Variants in FBN2 observed in about 807,000 individuals in gnomAD.
FBN2 encodes fibrillin 2.
In FBN2, 105 loss-of-function variants were observed where a neutral mutation model predicts 355.6. The observed-to-expected ratio is 0.30, with a 90% CI of 0.25 to 0.35. FBN2 has a LOEUF of 0.35. Ranked by LOEUF, FBN2 falls within the 10% of genes least tolerant of loss-of-function variation. FBN2 has a pLI of 1.00. For missense variants in FBN2, 3,280 were observed against 3,758.7 expected, an observed-to-expected ratio of 0.87 and a Z score of 3.33; for synonymous variants, 1,350 against 1,301.2, an observed-to-expected ratio of 1.04 and a Z score of -0.81.
chr5:128,357,191 TTC>T, intron 20 of FBN2, 83 bp downstream of exon 20: 2 of 1,542,370 alleles, frequency 1.3e-6, no homozygotes, highest in South Asian at 2.2e-5. Flanking sequence ...TGGAATCATA[TTC>T]TGTTTTTATC....
At chr5:128,307,654 A>G (rs1205290073) in intron 41 of FBN2, among the ~76,000 whole-genome samples, 4 of 151,790 alleles carry the variant, frequency 2.6e-5, no homozygotes, top group Admixed American at 2.6e-4. Flanking sequence ...TGTATAATGA[A>G]TGAGATGCGA....
chr5:128,488,149 A>G (rs1481998795), intron 5 of FBN2, among the ~76,000 whole-genome samples: 1 of 152,202 alleles, frequency 6.6e-6, no homozygotes, highest in African/African-American at 2.4e-5. Flanking sequence ...TTTTGTTGCC[A>G]GGATAAAACC....
chr5:128,491,412 T>G (rs1755501415), intron 5 of FBN2, among the ~76,000 whole-genome samples: 1 of 152,240 alleles, frequency 6.6e-6, no homozygotes, highest in East Asian at 1.9e-4. Context: ...GGCAGGTTAC[T>G]GACAAAAACA....
At chr5:128,480,882 G>A (rs754886456) in intron 5 of FBN2, among the ~76,000 whole-genome samples, 1 of 152,198 alleles carries the variant, frequency 6.6e-6, no homozygotes, top group Non-Finnish European at 1.5e-5. Flanking sequence ...GACTAAAGAT[G>A]AGAGAGGCAG....
intron 5 of FBN2, among the ~76,000 whole-genome samples, chr5:128,517,782 T>C (rs1756319902): frequency 6.6e-6 from 1 of 152,182 alleles, no homozygotes; most frequent in East Asian, 1.9e-4. Flanking sequence ...TATATGTATA[T>C]AAACCTTGAC....
At chr5:128,327,624 GGTTT>G (rs774639135) in intron 34 of FBN2, among the ~76,000 whole-genome samples, 273 of 147,878 alleles carry the variant, frequency 1.8e-3, no homozygotes, top group African/African-American at 6.3e-3. Flanking sequence ...TTCTTTTGTT[GGTTT>G]GTTTGTTTTT....
In FBN2 at chr5:128,459,765, C is replaced by T. The variant is rs539562966; in HGVS notation, c.826+4959G>A. 4.1e-4 allele frequency among the ~76,000 whole-genome samples: 62 copies of T among 152,106 alleles called. 1 individual carries two copies. Among genetic ancestry groups the T allele is most frequent in the Non-Finnish European group, 7.9e-4 (54 of 68,022 alleles). ...AATACTTTCTATAAAAGTCAACATC[C>T]GTTCATGTTAAAAATTCTCAGTAAA... On this transcript the variant is annotated intron_variant, in intron 6 of 64. Transcript: ENST00000262464.
At chr5:128,308,203 G>A (rs1230018077) in intron 41 of FBN2, among the ~76,000 whole-genome samples, 3 of 152,052 alleles carry the variant, frequency 2.0e-5, no homozygotes, top group Admixed American at 6.5e-5. Flanking sequence ...ATACAGACAC[G>A]TCTCTCAACT....
chr5:128,271,797 TA>T (rs1765273257), intron 62 of FBN2, among the ~76,000 whole-genome samples: 1 of 152,168 alleles, frequency 6.6e-6, no homozygotes, highest in African/African-American at 2.4e-5. Flanking sequence ...TCCCGGTACT[TA>T]AAAACAAACT....
intron 55 of FBN2, 125 bp downstream of exon 55, chr5:128,286,593 G>T (rs1749150471): frequency 5.3e-6 from 6 of 1,135,166 alleles, no homozygotes; most frequent in Non-Finnish European, 6.7e-6. Flanking sequence ...AAAGCTAGCT[G>T]TATCACTGCC....
intron 11 of FBN2, among the ~76,000 whole-genome samples, chr5:128,383,596 C>T (rs1343649793): frequency 6.6e-6 from 1 of 152,026 alleles, no homozygotes; most frequent in African/African-American, 2.4e-5. Context: ...CCAGAGTAAA[C>T]AAAGAACCCT....
intron 7 of FBN2, among the ~76,000 whole-genome samples, chr5:128,443,101 A>G (rs1753966821): frequency 6.6e-6 from 1 of 152,194 alleles, no homozygotes; most frequent in African/African-American, 2.4e-5. Flanking sequence ...TCTTTCTTTT[A>G]GCTAAAAAGC....
chr5:128,325,634 T>G (rs917350052), intron 34 of FBN2, among the ~76,000 whole-genome samples: 5 of 152,226 alleles, frequency 3.3e-5, no homozygotes, highest in Admixed American at 3.3e-4. Context: ...CTTTGTTTTA[T>G]TGCAGGAAAA....
At chr5:128,439,429 T>C (rs1053271406) in intron 7 of FBN2, among the ~76,000 whole-genome samples, 1 of 152,160 alleles carries the variant, frequency 6.6e-6, no homozygotes, top group Non-Finnish European at 1.5e-5. Context: ...TTTATCAACA[T>C]TTAGAAGTAA....
chr5:128,313,722 G>T (rs9327476), intron 36 of FBN2, among the ~76,000 whole-genome samples: 1 of 151,314 alleles, frequency 6.6e-6, no homozygotes, highest in Non-Finnish European at 1.5e-5. Context: ...GCATGGTGGC[G>T]GGCACCTGTA....
rs567355662 is a variant in FBN2, at chr5:128,289,334, A to G, written c.6512-82T>C. 1.5e-5 allele frequency: 22 copies of G among 1,499,484 alleles called. 1 individual carries two copies. The Admixed American group carries it at 3.0e-4, about 21-fold the overall frequency. The allele number at this position is 1,499,484 out of a possible 1,614,324, so 92.9% of individuals were successfully genotyped here. A position where few individuals can be genotyped will look rare whatever the true frequency, so the allele number is the denominator to read the frequency against. On this transcript the variant is annotated intron_variant, in intron 51 of 64. Coordinates refer to ENST00000262464, the MANE Select transcript of FBN2 (RefSeq NM_001999.4). ...GCAGTGGCTCATGCTTATAAATCCC[A>G]GCACTTTGGGAGGCCGAGGTGGGTG...
intron 31 of FBN2, among the ~76,000 whole-genome samples, chr5:128,334,155 A>C (rs1322525095): frequency 6.6e-6 from 1 of 152,132 alleles, no homozygotes; most frequent in African/African-American, 2.4e-5. Flanking sequence ...CAAAGTGAGC[A>C]AAGTGAGCAA....
rs759989646 is a variant in FBN2 at position 128,312,662 on chromosome 5, G to A, written c.4851C>T (p.Pro1617=). The A allele has an allele frequency of 1.9e-6, 3 of 1,613,994 alleles. No individual in the cohort carries two copies. Among genetic ancestry groups the A allele is most frequent in the South Asian group, 2.2e-5 (2 of 91,082 alleles). The change falls in exon 37 of 65, where the codon CCC becomes CCT. Residue 1617 remains proline (P), a synonymous_variant. Transcript: ENST00000262464. ...TATTGACAGGGGGGCATGTCTCACAGGGGTTTCCCCAGGCCTTTCCCAGAG... is the reference window on the plus strand; with the variant it reads ...TATTGACAGGGGGGCATGTCTCACAAGGGTTTCCCCAGGCCTTTCCCAGAG... ...CCSLGKAWGN[P]CETCPPVNST... is the part of the protein sequence containing the mutation.
intron 5 of FBN2, among the ~76,000 whole-genome samples, chr5:128,482,534 G>A (rs560673798): frequency 7.5e-4 from 114 of 152,096 alleles, no homozygotes; most frequent in African/African-American, 2.6e-3. Context: ...CACATTATTC[G>A]CAATACGAAT....
Sources: gnomAD v4.1 joint callset for allele counts (sites outside exome capture counted in the v4.1 genomes callset) on GRCh38, gnomAD v4.1.1 for gene constraint, MANE v1.5 for transcripts, NCBI Gene and HGNC (gene_info 2026-07-23, HGNC 2026-07-21) for gene names.